The following NEGR1 variants were observed in gnomAD, a reference collection of about 807,000 sequenced individuals.
The protein encoded by NEGR1 is neuronal growth regulator 1, also known as IgLON family member 4.
A neutral mutation model predicts 40.9 loss-of-function variants in NEGR1; 10 were observed. That is an observed-to-expected ratio of 0.24 (90% CI 0.15 to 0.42). The LOEUF (loss-of-function observed/expected upper bound fraction) is 0.42, where lower values mean the gene tolerates loss of function less well. Ranked by LOEUF, NEGR1 falls within the 10% of genes least tolerant of loss-of-function variation. The pLI is 1.00. For missense variants in NEGR1, 352 were observed against 438.9 expected (o/e 0.80, Z 1.77); for synonymous variants, 185 against 166.8 (o/e 1.11, Z -0.84).
In NEGR1 at chr1:71,786,542, T is replaced by C. The variant is rs550732566; in HGVS notation, c.410-10245A>G. On this transcript the variant is annotated intron_variant, in intron 2 of 6. Coordinates refer to ENST00000357731, the MANE Select transcript of NEGR1 (RefSeq NM_173808.3). ...GTTACCCACAGCAAGGGTTAGTATT[T>C]GTTGAACATTTACTGTGAGTAATAT... Among the ~76,000 whole-genome samples, 20 of 152,280 alleles carry C rather than the reference T, an allele frequency of 1.3e-4. No individual in the cohort carries two copies. In the South Asian group the frequency reaches 4.1e-3, roughly 32 times the overall value.
intron 6 of NEGR1, among the ~76,000 whole-genome samples, chr1:71,570,775 G>C (rs1648785969): frequency 1.3e-5 from 2 of 152,080 alleles, no homozygotes; most frequent in South Asian, 2.1e-4. Context: ...AGTCATCATA[G>C]TTTATAGGAG....
intron 6 of NEGR1, among the ~76,000 whole-genome samples, chr1:71,553,687 T>G (rs1648159194): frequency 6.6e-6 from 1 of 151,592 alleles, no homozygotes; most frequent in South Asian, 2.1e-4. Context: ...ATTTCACATC[T>G]GTTTGTGCAT....
At chr1:71,698,604 C>T (rs1205608616) in intron 3 of NEGR1, among the ~76,000 whole-genome samples, 1 of 151,702 alleles carries the variant, frequency 6.6e-6, no homozygotes, top group Non-Finnish European at 1.5e-5. Context: ...AGTCAGATGT[C>T]TTGAAAAAAG....
At chr1:71,497,567 T>A (rs1375574247) in intron 6 of NEGR1, among the ~76,000 whole-genome samples, 9 of 152,160 alleles carry the variant, frequency 5.9e-5, no homozygotes, top group Non-Finnish European at 1.0e-4. Flanking sequence ...AGAATTGGTA[T>A]GTTGTTTCTC....
At chr1:71,634,278 C>T (rs1042292864) in intron 4 of NEGR1, among the ~76,000 whole-genome samples, 2 of 152,062 alleles carry the variant, frequency 1.3e-5, no homozygotes, top group Non-Finnish European at 2.9e-5. Context: ...TGAGCCATCT[C>T]TGATCTTAAG....
At chr1:71,575,053 G>A (rs967189032) in intron 6 of NEGR1, among the ~76,000 whole-genome samples, 6 of 152,142 alleles carry the variant, frequency 3.9e-5, no homozygotes, top group African/African-American at 7.2e-5. Context: ...ATAGGAGAAC[G>A]TGGATTGCTC....
In NEGR1 at chr1:71,766,480, C is replaced by T. The variant is rs149851134; in HGVS notation, c.535+9692G>A. 3.3e-3 allele frequency among the ~76,000 whole-genome samples: 495 copies of T among 152,242 alleles called. 1 individual carries two copies. Among genetic ancestry groups the T allele is most frequent in the African/African-American group, 0.012 (479 of 41,542 alleles). On this transcript the variant is annotated intron_variant, in intron 3 of 6. Coordinates refer to ENST00000357731, the MANE Select transcript of NEGR1 (RefSeq NM_173808.3). Reference sequence around the variant, plus strand: ...GAGACATATAGCCCAGTGTTGTGCTCACATGTTTAGCTTCAGAGCCAGTAA... The same window carrying T: ...GAGACATATAGCCCAGTGTTGTGCTTACATGTTTAGCTTCAGAGCCAGTAA...
intron 5 of NEGR1, among the ~76,000 whole-genome samples, chr1:71,606,226 T>C (rs745727150): frequency 1.1e-4 from 16 of 152,208 alleles, no homozygotes; most frequent in Non-Finnish European, 2.1e-4. Flanking sequence ...GGATCACTAA[T>C]ACTGGATTAA....
chr1:72,069,498 G>A (rs1055026099), intron 1 of NEGR1, among the ~76,000 whole-genome samples: 29 of 151,920 alleles, frequency 1.9e-4, no homozygotes, highest in African/African-American at 7.0e-4. Flanking sequence ...TGATTAAGAT[G>A]GTAGGTGGTT....
intron 4 of NEGR1, among the ~76,000 whole-genome samples, chr1:71,684,660 A>G (rs971618525): frequency 6.6e-6 from 1 of 152,196 alleles, no homozygotes; most frequent in African/African-American, 2.4e-5. Context: ...GGCCATTCCA[A>G]TGAGAGGAAG....
At chr1:72,266,699 G>A (rs1200175519) in intron 1 of NEGR1, among the ~76,000 whole-genome samples, 1 of 139,634 alleles carries the variant, frequency 7.2e-6, no homozygotes, top group Non-Finnish European at 1.6e-5. Flanking sequence ...TACCAAGTGT[G>A]TGTGTATATA....
chr1:71,766,346 T>C (rs1441765530), intron 3 of NEGR1, among the ~76,000 whole-genome samples: 3 of 152,066 alleles, frequency 2.0e-5, no homozygotes, highest in Non-Finnish European at 4.4e-5. Flanking sequence ...GAACATAAAT[T>C]GAGCATTCTT....
At chr1:71,671,744 C>T (rs1157406519) in intron 4 of NEGR1, among the ~76,000 whole-genome samples, 1 of 152,112 alleles carries the variant, frequency 6.6e-6, no homozygotes. Context: ...CCTTCTTTGA[C>T]TGCAACTGTA....
intron 2 of NEGR1, among the ~76,000 whole-genome samples, chr1:71,851,723 G>A (rs1659608679): frequency 6.6e-6 from 1 of 151,664 alleles, no homozygotes; most frequent in African/African-American, 2.4e-5. Flanking sequence ...CATTTGAGTG[G>A]GATTTTAAAG....
intron 1 of NEGR1, among the ~76,000 whole-genome samples, chr1:72,260,405 T>C (rs866811799): frequency 6.6e-6 from 1 of 152,108 alleles, no homozygotes; most frequent in South Asian, 2.1e-4. Flanking sequence ...CAACATAAAA[T>C]AATTTACTCG....
At chr1:72,057,015 G>A (rs1311332041) in intron 1 of NEGR1, among the ~76,000 whole-genome samples, 1 of 151,470 alleles carries the variant, frequency 6.6e-6, no homozygotes, top group Non-Finnish European at 1.5e-5. Flanking sequence ...TGTCCCCAAA[G>A]TACTTGATGA....
intron 6 of NEGR1, among the ~76,000 whole-genome samples, chr1:71,432,400 C>G (rs1487520889): frequency 6.6e-6 from 1 of 152,018 alleles, no homozygotes; most frequent in Non-Finnish European, 1.5e-5. Flanking sequence ...GTGTTCCCTC[C>G]AAAACTCATG....
chr1:72,128,589 C>A (rs1277366493), intron 1 of NEGR1, among the ~76,000 whole-genome samples: 2 of 151,892 alleles, frequency 1.3e-5, no homozygotes, highest in African/African-American at 2.4e-5. Context: ...TTTGGAAATT[C>A]TATGTATGTT....
At chr1:71,799,816 A>G (rs949798823) in intron 2 of NEGR1, among the ~76,000 whole-genome samples, 8 of 152,062 alleles carry the variant, frequency 5.3e-5, no homozygotes, top group African/African-American at 1.9e-4. Context: ...GGGTTCAAGC[A>G]ATTCTCTTGC....
Sources: gnomAD v4.1 joint callset for allele counts (sites outside exome capture counted in the v4.1 genomes callset) on GRCh38, gnomAD v4.1.1 for gene constraint, MANE v1.5 for transcripts, NCBI Gene and HGNC (gene_info 2026-07-23, HGNC 2026-07-21) for gene names.